Variants in PVT1 observed in about 807,000 individuals in gnomAD.
PVT1 encodes CXCR4/PVT1 fusion.
chr8:128,000,854 C>A (rs1015964653), intron 4 of PVT1, among the ~76,000 whole-genome samples: 4 of 152,214 alleles, frequency 2.6e-5, no homozygotes, highest in African/African-American at 9.6e-5. Flanking sequence ...CTGATCATTC[C>A]ACCAGCAGAT....
chr8:127,984,913 CTTT>C (rs1563657618), intron 3 of PVT1, among the ~76,000 whole-genome samples: 28 of 61,914 alleles, frequency 4.5e-4, no homozygotes, highest in African/African-American at 1.1e-3. Context: ...TTCTTTCTTT[CTTT>C]CTTTCTCTTT....
chr8:127,827,290 C>G (rs1814801386), intron 2 of PVT1, among the ~76,000 whole-genome samples: 1 of 152,088 alleles, frequency 6.6e-6, no homozygotes, highest in African/African-American at 2.4e-5. Context: ...GCCACCACAC[C>G]CGACCTAGCC....
intron 2 of PVT1, among the ~76,000 whole-genome samples, chr8:127,851,004 CTCA>C (rs1815101473): frequency 1.4e-5 from 2 of 138,882 alleles, no homozygotes; most frequent in African/African-American, 6.3e-5. Context: ...GAGACTCTGT[CTCA>C]AAAAAAAAAA....
At chr8:127,914,030 T>C (rs953774918) in intron 3 of PVT1, among the ~76,000 whole-genome samples, 1 of 152,074 alleles carries the variant, frequency 6.6e-6, no homozygotes, top group Non-Finnish European at 1.5e-5. Flanking sequence ...ACGAGTTTGC[T>C]ATACACTTGC....
At position 127,883,776 on chromosome 8, in the gene PVT1, G is replaced by A. The variant is rs184696848; in HGVS notation, n.373-6813G>A. ...GCCAAGAGAATGGGGCTGGGGCCACGTTTTCTTGTGGGGCAATTCCGTGTC... is the reference window on the plus strand; with the variant it reads ...GCCAAGAGAATGGGGCTGGGGCCACATTTTCTTGTGGGGCAATTCCGTGTC... On this transcript the variant is annotated intron_variant and non_coding_transcript_variant, in intron 2 of 10. Transcript: ENST00000651587. Among the ~76,000 whole-genome samples, 12 of 152,282 alleles carry A rather than the reference G, an allele frequency of 7.9e-5. No individual in the cohort carries two copies. In the South Asian group the frequency reaches 8.3e-4, roughly 11 times the overall value.
intron 3 of PVT1, among the ~76,000 whole-genome samples, chr8:127,985,159 G>A (rs1391624529): frequency 2.0e-5 from 3 of 150,996 alleles, no homozygotes; most frequent in Non-Finnish European, 4.4e-5. Flanking sequence ...TCAACTCCCC[G>A]AGTAGCTGGG....
intron 3 of PVT1, among the ~76,000 whole-genome samples, chr8:127,901,889 A>C (rs899235836): frequency 1.3e-5 from 2 of 150,000 alleles, no homozygotes; most frequent in East Asian, 1.9e-4. Context: ...GGCTTGAGCC[A>C]CTGCACCTGG....
chr8:127,961,057 G>A (rs1015450848), intron 3 of PVT1, among the ~76,000 whole-genome samples: 4 of 146,632 alleles, frequency 2.7e-5, no homozygotes, highest in Admixed American at 2.7e-4. Context: ...AAGGGCCCAG[G>A]GTGTGGACTT....
At chr8:128,076,647 A>T (rs1414725633) in intron 5 of PVT1, among the ~76,000 whole-genome samples, 2 of 152,162 alleles carry the variant, frequency 1.3e-5, no homozygotes, top group Admixed American at 1.3e-4. Context: ...GCTTCCGTCT[A>T]TTGACATCAC....
At chr8:127,932,611 C>G (rs1261895261) in intron 3 of PVT1, 2 of 398,350 alleles carry the variant, frequency 5.0e-6, no homozygotes, top group Non-Finnish European at 8.8e-6. Flanking sequence ...ATTCGCTGTT[C>G]GTAGACATGG....
chr8:127,923,731 C>G (rs1312905736), intron 3 of PVT1, among the ~76,000 whole-genome samples: 3 of 152,176 alleles, frequency 2.0e-5, no homozygotes, highest in Admixed American at 6.5e-5. Context: ...AACACAGGAG[C>G]CTCCCCCTAA....
At chr8:127,835,930 C>A (rs1274469013) in intron 2 of PVT1, among the ~76,000 whole-genome samples, 1 of 152,190 alleles carries the variant, frequency 6.6e-6, no homozygotes, top group Non-Finnish European at 1.5e-5. Context: ...AGCCCCACAT[C>A]CTGGTCTTTG....
intron 3 of PVT1, among the ~76,000 whole-genome samples, chr8:127,984,805 G>A (rs1018929825): frequency 1.3e-5 from 2 of 150,920 alleles, no homozygotes; most frequent in South Asian, 2.1e-4. Flanking sequence ...CAGGGGTCTC[G>A]CCATGTTGGC....
intron 4 of PVT1, among the ~76,000 whole-genome samples, chr8:128,053,061 C>A (rs1020018262): frequency 1.3e-5 from 2 of 152,176 alleles, no homozygotes; most frequent in African/African-American, 4.8e-5. Context: ...GGTCATTATC[C>A]TATTTCTTGG....
intron 2 of PVT1, among the ~76,000 whole-genome samples, chr8:127,820,419 G>A (rs996862178): frequency 2.6e-5 from 4 of 152,326 alleles, no homozygotes; most frequent in African/African-American, 4.8e-5. Context: ...ACTTCCAGAT[G>A]TTCCTCTGCT....
intron 2 of PVT1, among the ~76,000 whole-genome samples, chr8:127,869,917 C>A (rs999128633): frequency 1.1e-4 from 16 of 152,182 alleles, no homozygotes; most frequent in Admixed American, 9.8e-4. Flanking sequence ...TATTCTCCTG[C>A]CTCAGCCGTC....
chr8:127,955,886 A>G (rs879471776), intron 3 of PVT1, among the ~76,000 whole-genome samples: 1 of 152,150 alleles, frequency 6.6e-6, no homozygotes, highest in Non-Finnish European at 1.5e-5. Flanking sequence ...ACCCGGCTGT[A>G]ATATCATTTC....
intron 2 of PVT1, among the ~76,000 whole-genome samples, chr8:127,805,092 G>A (rs137962880): frequency 0.013 from 1,993 of 151,220 alleles, 29 homozygotes; most frequent in Middle Eastern, 0.017. Flanking sequence ...CACCACGCCC[G>A]GCTAATTTTG....
rs1814674119 is a variant in PVT1, at chr8:127,817,406, AT to A, written n.372+21336del. Among the ~76,000 whole-genome samples, 6 of 117,068 alleles carry A rather than the reference AT, an allele frequency of 5.1e-5. 1 individual carries two copies. Among genetic ancestry groups the A allele is most frequent in the African/African-American group, 1.0e-4 (3 of 28,598 alleles). 76.8% of individuals were successfully genotyped at this position (117,068 alleles called of 152,430 possible). ...ATATCTATTTAATATATATTAAATA[AT>A]ATATATTTAAATAGATATATATATA... On this transcript the variant is annotated intron_variant and non_coding_transcript_variant, in intron 2 of 10. Coordinates refer to ENST00000651587, the Ensembl canonical transcript of PVT1.
Sources: gnomAD v4.1 joint callset for allele counts (sites outside exome capture counted in the v4.1 genomes callset) on GRCh38, gnomAD v4.1.1 for gene constraint, MANE v1.5 for transcripts, NCBI Gene and HGNC (gene_info 2026-07-23, HGNC 2026-07-21) for gene names.